Variants in DAB1 observed in about 807,000 individuals in gnomAD.
The protein encoded by DAB1 is DAB adaptor protein 1.
Under a neutral mutation model 64.6 loss-of-function variants are expected in DAB1, and 15 were observed. The observed-to-expected ratio is 0.23, with a 90% CI of 0.16 to 0.36. DAB1 has a LOEUF of 0.36. Among genes scored for constraint, DAB1 ranks in the 10% least tolerant of loss-of-function variants. DAB1 has a pLI of 1.00. For synonymous variants in DAB1, 235 were observed against 251.9 expected (o/e 0.93, Z 0.64); for missense variants, 596 against 706.7 (o/e 0.84, Z 1.78).
chr1:57,699,844 C>T (rs1235979401), intron 6 of DAB1, among the ~76,000 whole-genome samples: 1 of 151,882 alleles, frequency 6.6e-6, no homozygotes, highest in Non-Finnish European at 1.5e-5. Flanking sequence ...TCCCGGGAGG[C>T]GGAGGTTGCA....
At chr1:58,442,788 G>A (rs1158023354) in intron 3 of DAB1, among the ~76,000 whole-genome samples, 1 of 152,162 alleles carries the variant, frequency 6.6e-6, no homozygotes, top group Admixed American at 6.5e-5. Flanking sequence ...GGGAGGCTGA[G>A]GCAGGAGGAT....
chr1:58,341,967 A>G (rs1643942550), intron 4 of DAB1, among the ~76,000 whole-genome samples: 1 of 152,200 alleles, frequency 6.6e-6, no homozygotes, highest in African/African-American at 2.4e-5. Flanking sequence ...TATAGCTTGA[A>G]AAATGGTAGA....
intron 1 of DAB1, among the ~76,000 whole-genome samples, chr1:57,858,165 C>T (rs1163933871): frequency 2.0e-5 from 3 of 152,114 alleles, no homozygotes; most frequent in Admixed American, 6.5e-5. Context: ...CTCACCCATT[C>T]GATTCTAGTT....
chr1:57,037,397 A>G (rs944730142), intron 9 of DAB1, among the ~76,000 whole-genome samples: 2 of 152,354 alleles, frequency 1.3e-5, no homozygotes, highest in African/African-American at 2.4e-5. Context: ...GCTATGCTGT[A>G]TAATCTTTGT....
intron 7 of DAB1, among the ~76,000 whole-genome samples, chr1:57,442,544 A>C (rs2101136319): frequency 6.6e-6 from 1 of 152,128 alleles, no homozygotes; most frequent in South Asian, 2.1e-4. Context: ...TTTTTTTTAC[A>C]ACCAATAGTC....
At chr1:57,924,019 C>A (rs1166258525) in intron 5 of DAB1, among the ~76,000 whole-genome samples, 4 of 152,214 alleles carry the variant, frequency 2.6e-5, no homozygotes, top group Non-Finnish European at 5.9e-5. Flanking sequence ...GCCCACCTTA[C>A]AGGTTCAAAA....
At chr1:57,545,646 G>T (rs1215736471) in intron 7 of DAB1, among the ~76,000 whole-genome samples, 2 of 152,184 alleles carry the variant, frequency 1.3e-5, no homozygotes, top group Non-Finnish European at 2.9e-5. Flanking sequence ...AAGTCATCTA[G>T]TTACTTTCTC....
At chr1:58,344,122 A>G (rs1182608733) in intron 3 of DAB1, among the ~76,000 whole-genome samples, 1 of 152,058 alleles carries the variant, frequency 6.6e-6, no homozygotes, top group Non-Finnish European at 1.5e-5. Flanking sequence ...ATGTGACCTT[A>G]GGCAAGTTAC....
intron 6 of DAB1, among the ~76,000 whole-genome samples, chr1:57,699,930 A>G (rs1481584246): frequency 3.9e-5 from 6 of 152,104 alleles, no homozygotes; most frequent in African/African-American, 1.4e-4. Context: ...AAAAATTAAT[A>G]AGGAAACATT....
chr1:57,808,878 G>A (rs1245598234), intron 6 of DAB1, among the ~76,000 whole-genome samples: 2 of 152,120 alleles, frequency 1.3e-5, no homozygotes, highest in African/African-American at 4.8e-5. Context: ...GAACTCGGCT[G>A]CTTGTGAACT....
chr1:57,029,647 T>A (rs1646905353), intron 9 of DAB1, among the ~76,000 whole-genome samples: 1 of 152,204 alleles, frequency 6.6e-6, no homozygotes, highest in South Asian at 2.1e-4. Context: ...ACCTCTTGCA[T>A]CAGCGTGACC....
At chr1:57,721,253 AC>A (rs1158712805) in intron 6 of DAB1, among the ~76,000 whole-genome samples, 3 of 152,168 alleles carry the variant, frequency 2.0e-5, no homozygotes, top group African/African-American at 7.2e-5. Flanking sequence ...TGGAGATCAC[AC>A]CCTACCAGTG....
chr1:57,705,885 T>TC (rs974980525), intron 6 of DAB1, among the ~76,000 whole-genome samples: 2 of 151,510 alleles, frequency 1.3e-5, no homozygotes, highest in Non-Finnish European at 2.9e-5. Context: ...TTTTTTTTTT[T>TC]TTCTTTTTTT....
At chr1:57,924,252 A>T (rs2102027251) in intron 5 of DAB1, among the ~76,000 whole-genome samples, 1 of 152,350 alleles carries the variant, frequency 6.6e-6, no homozygotes, top group South Asian at 2.1e-4. Context: ...CGGATGGAAG[A>T]GACAAACAAC....
At chr1:57,795,729 A>ATATATATG in intron 6 of DAB1, among the ~76,000 whole-genome samples, 1 of 115,112 alleles carries the variant, frequency 8.7e-6, no homozygotes, top group South Asian at 2.9e-4. Flanking sequence ...ATATATATAT[A>ATATATATG]TATATCATAC....
At chr1:57,656,516 CA>C (rs1230625903) in intron 6 of DAB1, among the ~76,000 whole-genome samples, 22 of 152,162 alleles carry the variant, frequency 1.4e-4, no homozygotes, top group African/African-American at 5.1e-4. Flanking sequence ...GGTCTTGGAC[CA>C]GAATGTGACT....
intron 1 of DAB1, among the ~76,000 whole-genome samples, chr1:58,545,391 G>A (rs967784573): frequency 2.6e-5 from 4 of 152,108 alleles, no homozygotes; most frequent in African/African-American, 9.7e-5. Flanking sequence ...GTTTTGAATA[G>A]AAACAGTGCC....
intron 7 of DAB1, among the ~76,000 whole-genome samples, chr1:57,508,644 T>A (rs547049961): frequency 6.6e-6 from 1 of 152,326 alleles, no homozygotes; most frequent in Non-Finnish European, 1.5e-5. Flanking sequence ...TGGGCATGGC[T>A]GGGTTCCAAT....
rs531055750 is a variant in DAB1, at chr1:57,533,291, C to T, written n.625+116301G>A. 7.9e-5 allele frequency among the ~76,000 whole-genome samples: 12 copies of T among 151,610 alleles called. No homozygotes were observed. In the East Asian group the frequency reaches 2.1e-3, roughly 27 times the overall value. ...TTCCTTATGTCAAAACCTCCACTTT[C>T]ACTATGCTTCTCACCGAGACCCTGT... On this transcript the variant is annotated intron_variant and non_coding_transcript_variant, in intron 7 of 20. Coordinates refer to the DAB1 transcript ENST00000485760.
Sources: allele counts gnomAD v4.1 joint callset (sites outside exome capture counted in the v4.1 genomes callset), GRCh38; gene constraint gnomAD v4.1.1; transcripts MANE v1.5; gene names NCBI Gene and HGNC (gene_info 2026-07-23, HGNC 2026-07-21).